Variants in TMOD1 observed in about 807,000 individuals in gnomAD.
The protein encoded by TMOD1 is tropomodulin 1.
Under a neutral mutation model 40.6 loss-of-function variants are expected in TMOD1, and 17 were observed. That is an observed-to-expected ratio of 0.42 (90% confidence interval 0.29 to 0.63). TMOD1 has a LOEUF of 0.63. Among genes scored for constraint, TMOD1 ranks in the 20% least tolerant of loss-of-function variants. TMOD1 has a pLI of 0.22. For synonymous variants in TMOD1, 181 were observed against 175.0 expected, an observed-to-expected ratio of 1.03 and a Z score of -0.27; for missense variants, 391 against 447.6, an observed-to-expected ratio of 0.87 and a Z score of 1.14.
At chr9:97,579,945 G>A (rs1040058943) in intron 8 of TMOD1, among the ~76,000 whole-genome samples, 3 of 152,204 alleles carry the variant, frequency 2.0e-5, no homozygotes, top group Non-Finnish European at 2.9e-5. Context: ...ATTCCACATG[G>A]AGGCACATGA....
intron 7 of TMOD1, among the ~76,000 whole-genome samples, chr9:97,567,327 G>C (rs1309738670): frequency 1.3e-5 from 2 of 152,226 alleles, no homozygotes; most frequent in Admixed American, 1.3e-4. Flanking sequence ...GACTCTGCCA[G>C]ACCAACAGCT....
At chr9:97,565,774 A>G in intron 6 of TMOD1, 74 bp from the exon 7 acceptor site, 1 of 1,198,970 alleles carries the variant, frequency 8.3e-7, no homozygotes, top group Non-Finnish European at 1.2e-6. Context: ...GAGAGTAGCC[A>G]GGCTAATCCA....
At chr9:97,559,794 A>AAAAAAT (rs1390791825) in intron 4 of TMOD1, among the ~76,000 whole-genome samples, 40 of 23,130 alleles carry the variant, frequency 1.7e-3, no homozygotes, top group South Asian at 3.2e-3. Flanking sequence ...AAAAAAAAAA[A>AAAAAAT]ATATATATAT....
In TMOD1 at chr9:97,600,184, C is replaced by T; in HGVS notation, c.*486C>T. The stretch of plus-strand genomic sequence containing the variant: ...TAACCCTCCTTGGAATTTTGAAAAC[C>T]TCGATTAAAGTTGCCAAATTGATTA... On this transcript the variant is annotated 3_prime_UTR_variant, in exon 10 of 10. Transcript: ENST00000259365. 1 of 996,066 alleles carries T rather than the reference C, an allele frequency of 1.0e-6. No individual in the cohort carries two copies. The highest frequency in any genetic ancestry group is 1.2e-6 in the Non-Finnish European group (1 of 835,190). The allele number at this position is 996,066 out of a possible 1,614,324, so 61.7% of individuals were successfully genotyped here.
At chr9:97,569,552 T>A (rs979953524) in intron 8 of TMOD1, among the ~76,000 whole-genome samples, 1 of 152,266 alleles carries the variant, frequency 6.6e-6, no homozygotes, top group Admixed American at 6.5e-5. Flanking sequence ...TTTATTCTTA[T>A]GGAGTTACTG....
At chr9:97,562,903 G>A (rs1225610767) in intron 5 of TMOD1, 82 bp downstream of exon 5, 2 of 1,152,682 alleles carry the variant, frequency 1.7e-6, no homozygotes, top group Non-Finnish European at 2.5e-6. Context: ...CATTGCAGAA[G>A]TTTTAACATG....
Position 97,595,896 on chromosome 9 carries a change from A to T in TMOD1, c.1016-3738A>T, listed in dbSNP as rs568381130. On this transcript the variant is annotated intron_variant, in intron 9 of 9. Transcript: ENST00000259365. ...GAGACCAGCCTGGCCAACATGGTGA[A>T]ACCCTGTCTCTACTAAAAATACAAA... 5.9e-5 allele frequency among the ~76,000 whole-genome samples: 9 copies of T among 151,894 alleles called. No homozygotes were observed. The South Asian group carries it at 1.9e-3, about 32-fold the overall frequency.
At chr9:97,573,817 T>G (rs139478160) in intron 8 of TMOD1, among the ~76,000 whole-genome samples, 4 of 152,292 alleles carry the variant, frequency 2.6e-5, no homozygotes, top group African/African-American at 9.6e-5. Flanking sequence ...CTCAGATGCC[T>G]TTTATGACCC....
At chr9:97,520,026 G>A (rs1023870591) in intron 1 of TMOD1, among the ~76,000 whole-genome samples, 1 of 152,028 alleles carries the variant, frequency 6.6e-6, no homozygotes, top group Admixed American at 6.6e-5. Flanking sequence ...TTTTATTTGA[G>A]CCACAGAATC....
intron 4 of TMOD1, among the ~76,000 whole-genome samples, chr9:97,556,830 A>G (rs1372713778): frequency 1.3e-5 from 2 of 152,288 alleles, no homozygotes; most frequent in East Asian, 3.9e-4. Context: ...GAAGAGTAGC[A>G]GTGAGAAAGT....
intron 2 of TMOD1, among the ~76,000 whole-genome samples, chr9:97,534,061 C>G (rs1172631271): frequency 6.6e-6 from 1 of 152,166 alleles, no homozygotes; most frequent in Non-Finnish European, 1.5e-5. Context: ...AGGAGAAAAG[C>G]CATGATTCAA....
At chr9:97,554,424 AG>A (rs1220449351) in intron 4 of TMOD1, among the ~76,000 whole-genome samples, 2 of 152,048 alleles carry the variant, frequency 1.3e-5, no homozygotes, top group Non-Finnish European at 2.9e-5. Context: ...AAGTAGGGTC[AG>A]TTGTATAGGA....
intron 8 of TMOD1, 116 bp from the exon 9 acceptor site, chr9:97,591,175 G>A: frequency 1.8e-6 from 2 of 1,127,676 alleles, no homozygotes; most frequent in East Asian, 2.6e-5. Context: ...TTGGAGAGGA[G>A]GCTAAAATCC....
At chr9:97,576,918 C>T (rs149793710) in intron 8 of TMOD1, among the ~76,000 whole-genome samples, 2,090 of 152,220 alleles carry the variant, frequency 0.014, 92 homozygotes, top group East Asian at 0.12. Context: ...GGATTACAGG[C>T]GTGAGCCATC....
intron 8 of TMOD1, among the ~76,000 whole-genome samples, chr9:97,576,285 A>AT (rs1226249050): frequency 2.0e-5 from 3 of 152,110 alleles, no homozygotes; most frequent in Non-Finnish European, 2.9e-5. Flanking sequence ...TGTAAAAAAA[A>AT]GTAAAGGAAA....
intron 1 of TMOD1, among the ~76,000 whole-genome samples, chr9:97,512,280 A>T (rs1829716657): frequency 6.6e-6 from 1 of 152,226 alleles, no homozygotes; most frequent in African/African-American, 2.4e-5. Flanking sequence ...AGTGTTGACA[A>T]GGTTGTGGAG....
rs756986616 is a variant in TMOD1, at chr9:97,564,174, G to T, written c.618+6G>T. 3 of 1,585,028 alleles carry T rather than the reference G, an allele frequency of 1.9e-6. No individual in the cohort carries two copies. The highest frequency in any genetic ancestry group is 2.6e-6 in the Non-Finnish European group (3 of 1,164,624). The stretch of plus-strand genomic sequence containing the variant: ...TTAACCTCAATAATATCCGGGTAAG[G>T]TCCATTTATTTCACTTTACCTGTGT... On this transcript the variant is annotated splice_donor_region_variant and intron_variant, in intron 6 of 9. Coordinates refer to ENST00000259365, the MANE Select transcript of TMOD1 (RefSeq NM_003275.4).
chr9:97,524,224 C>G lies in TMOD1; in HGVS notation c.36C>G (p.Asp12Glu). The G allele has an allele frequency of 6.2e-7, 1 of 1,614,110 alleles. No individual in the cohort carries two copies. The highest frequency in any genetic ancestry group is 1.1e-5 in the South Asian group (1 of 91,080). The change falls in exon 2 of 10, where the codon GAC becomes GAG. Residue 12 changes from aspartate (D) to glutamate (E), a missense_variant. Coordinates refer to ENST00000259365, the MANE Select transcript of TMOD1 (RefSeq NM_003275.4). ...GACGAGAACTAGAGAAATACCGTGA[C>G]CTGGATGAAGATGAAATCCTTGGAG... ...SYRRELEKYR[D>E]LDEDEILGAL...
intron 2 of TMOD1, among the ~76,000 whole-genome samples, chr9:97,545,123 A>G (rs1203207655): frequency 6.6e-6 from 1 of 152,150 alleles, no homozygotes; most frequent in East Asian, 1.9e-4. Context: ...GTATTCCTCT[A>G]GCTCTGCAAA....
Sources: allele counts gnomAD v4.1 joint callset (sites outside exome capture counted in the v4.1 genomes callset), GRCh38; gene constraint gnomAD v4.1.1; transcripts MANE v1.5; gene names NCBI Gene and HGNC (gene_info 2026-07-23, HGNC 2026-07-21).